ZFHX3: variants seen among roughly 807,000 people sequenced by gnomAD.
The protein encoded by ZFHX3 is zinc finger homeobox 3, also known as zinc finger homeobox protein 3.
ZFHX3 carries 42 observed loss-of-function variants against 279.1 expected under a neutral mutation model. The observed-to-expected ratio is 0.15, with a 90% CI of 0.12 to 0.19. The LOEUF (loss-of-function observed/expected upper bound fraction) is 0.19. Among genes scored for constraint, ZFHX3 ranks in the 10% least tolerant of loss-of-function variants. The pLI, the probability that ZFHX3 is intolerant of heterozygous loss-of-function variation, is 1.00. For synonymous variants in ZFHX3, 2,293 were observed against 1,957.8 expected (o/e 1.17, Z -4.52); for missense variants, 4,981 against 4,754.0 (o/e 1.05, Z -1.40).
intron 7 of ZFHX3, among the ~76,000 whole-genome samples, chr16:73,115,390 A>AAAG (rs1966419723): frequency 6.6e-6 from 1 of 151,324 alleles, no homozygotes; most frequent in African/African-American, 2.4e-5. Flanking sequence ...AAAAAAAAAA[A>AAAG]AAAAAAAAAT....
intron 5 of ZFHX3, among the ~76,000 whole-genome samples, chr16:73,164,128 G>T (rs1006045771): frequency 1.3e-5 from 2 of 152,170 alleles, no homozygotes; most frequent in African/African-American, 4.8e-5. Flanking sequence ...TGCAGCAGAT[G>T]AAACAATAAG....
intron 5 of ZFHX3, among the ~76,000 whole-genome samples, chr16:72,827,105 T>A (rs1246244428): frequency 6.6e-6 from 1 of 152,170 alleles, no homozygotes; most frequent in Non-Finnish European, 1.5e-5. Flanking sequence ...GTAGTGCCCT[T>A]AGCACACAAA....
chr16:73,374,523 T>A (rs2016688552), intron 3 of ZFHX3, among the ~76,000 whole-genome samples: 1 of 152,226 alleles, frequency 6.6e-6, no homozygotes, highest in Non-Finnish European at 1.5e-5. Context: ...TTTAAAAACA[T>A]AACTATCATA....
Position 72,811,514 on chromosome 16 carries a change from A to G in ZFHX3, c.3864+63T>C. 2.8e-6 allele frequency: 4 copies of G among 1,430,542 alleles called. No individual in the cohort carries two copies. In the South Asian group the frequency reaches 5.6e-5, roughly 20 times the overall value. The allele number at this position is 1,430,542 out of a possible 1,614,324, so 88.6% of individuals were successfully genotyped here. The stretch of plus-strand genomic sequence containing the variant: ...CGTCCAATAATACAGTATCTTGCCC[A>G]TGTTACTGCATCACCTTTGACCCTG... On this transcript the variant is annotated intron_variant, in intron 7 of 9. Transcript: ENST00000268489.
chr16:73,733,106 A>AG (rs2053582687), intron 1 of ZFHX3, among the ~76,000 whole-genome samples: 1 of 33,216 alleles, frequency 3.0e-5, no homozygotes, highest in Non-Finnish European at 1.5e-4. Flanking sequence ...CATTGAAATA[A>AG]AATTTAAGTT....
At chr16:73,790,065 T>G (rs1035502612) in intron 1 of ZFHX3, among the ~76,000 whole-genome samples, 1 of 152,172 alleles carries the variant, frequency 6.6e-6, no homozygotes, top group African/African-American at 2.4e-5. Flanking sequence ...TGCTCCAGGC[T>G]GAAACTTGCC....
intron 4 of ZFHX3, among the ~76,000 whole-genome samples, chr16:73,285,425 G>C (rs1387712345): frequency 1.3e-5 from 2 of 152,202 alleles, no homozygotes; most frequent in South Asian, 2.1e-4. Flanking sequence ...TCCAAAGGGT[G>C]TCGTCAGCTG....
rs895286380 is a variant in ZFHX3 at position 72,882,989 on chromosome 16, T to G, written c.3448+6742A>C. 2.7e-4 allele frequency among the ~76,000 whole-genome samples: 21 copies of G among 76,564 alleles called. 1 individual carries two copies. Among genetic ancestry groups the G allele is most frequent in the East Asian group, 5.9e-4 (2 of 3,374 alleles). The allele number at this position is 76,564 out of a possible 152,430, so 50.2% of individuals were successfully genotyped here. On this transcript the variant is annotated intron_variant, in intron 4 of 9. Transcript: ENST00000268489. Reference sequence around the variant, plus strand: ...CACACCACTCTGGGGTGTGTGTGTGTGTGTGTGTGTGTGTGTGTGTGTGTG... The same window carrying G: ...CACACCACTCTGGGGTGTGTGTGTGGGTGTGTGTGTGTGTGTGTGTGTGTG...
chr16:72,866,841 C>G (rs771110736), intron 4 of ZFHX3, among the ~76,000 whole-genome samples: 1 of 152,150 alleles, frequency 6.6e-6, no homozygotes, highest in Admixed American at 6.5e-5. Flanking sequence ...CATTCACCAT[C>G]CACACAGGCA....
intron 1 of ZFHX3, among the ~76,000 whole-genome samples, chr16:73,721,260 T>C (rs1472473499): frequency 6.6e-6 from 1 of 152,210 alleles, no homozygotes; most frequent in Admixed American, 6.5e-5. Context: ...GAGCTGGGAC[T>C]ACAGGCGTGA....
chr16:73,787,515 T>C (rs1253133616), intron 1 of ZFHX3, among the ~76,000 whole-genome samples: 1 of 152,182 alleles, frequency 6.6e-6, no homozygotes, highest in African/African-American at 2.4e-5. Context: ...GCATCCTCTC[T>C]AAAATCCTCA....
intron 7 of ZFHX3, among the ~76,000 whole-genome samples, chr16:73,120,513 A>G (rs1415008081): frequency 6.6e-6 from 1 of 151,952 alleles, no homozygotes; most frequent in Non-Finnish European, 1.5e-5. Context: ...GGCTCAAGTG[A>G]TCCTTTCACT....
chr16:73,376,010 C>T (rs2016716791), intron 3 of ZFHX3, among the ~76,000 whole-genome samples: 1 of 152,186 alleles, frequency 6.6e-6, no homozygotes, highest in Non-Finnish European at 1.5e-5. Flanking sequence ...TAAATATTTA[C>T]ATATGTCTGA....
At chr16:73,792,282 C>T (rs200656586) in intron 1 of ZFHX3, among the ~76,000 whole-genome samples, 73 of 152,204 alleles carry the variant, frequency 4.8e-4, no homozygotes, top group African/African-American at 1.5e-3. Flanking sequence ...AACATGAATA[C>T]GGGGGAATGA....
chr16:73,437,764 A>G (rs1281729155), intron 3 of ZFHX3, among the ~76,000 whole-genome samples: 1 of 152,184 alleles, frequency 6.6e-6, no homozygotes, highest in Non-Finnish European at 1.5e-5. Context: ...ACTGTTTCCA[A>G]GTGGGAAATA....
chr16:73,890,792 C>T (rs951444091), intron 1 of ZFHX3, among the ~76,000 whole-genome samples: 1 of 152,110 alleles, frequency 6.6e-6, no homozygotes, highest in Admixed American at 6.5e-5. Flanking sequence ...TAATCACGTG[C>T]GCTAGGGCTC....
intron 3 of ZFHX3, among the ~76,000 whole-genome samples, chr16:73,399,134 TC>T (rs1452368283): frequency 6.6e-6 from 1 of 151,764 alleles, no homozygotes; most frequent in East Asian, 1.9e-4. Context: ...TGTCTTGGCC[TC>T]CCAAAGTGCT....
chr16:73,816,710 G>C (rs772151674), intron 1 of ZFHX3, among the ~76,000 whole-genome samples: 3 of 152,174 alleles, frequency 2.0e-5, no homozygotes, highest in Non-Finnish European at 2.9e-5. Context: ...TCCAAACAGA[G>C]AGAAAGGATT....
intron 5 of ZFHX3, among the ~76,000 whole-genome samples, chr16:72,815,830 AAAAC>A (rs1164591329): frequency 1.3e-5 from 2 of 152,256 alleles, no homozygotes; most frequent in Non-Finnish European, 2.9e-5. Flanking sequence ...CGGCAACAAA[AAAAC>A]AAACAACTTG....
Sources: allele counts gnomAD v4.1 joint callset (sites outside exome capture counted in the v4.1 genomes callset), GRCh38; gene constraint gnomAD v4.1.1; transcripts MANE v1.5; gene names NCBI Gene and HGNC (gene_info 2026-07-23, HGNC 2026-07-21).